DGKI: variants seen among roughly 807,000 people sequenced by gnomAD.
DGKI encodes the protein DAG kinase iota.
In DGKI, 55 loss-of-function variants were observed where a neutral mutation model predicts 147.5. That is an observed-to-expected ratio of 0.37 (90% CI 0.30 to 0.47). The LOEUF (loss-of-function observed/expected upper bound fraction) is 0.47, where lower values mean the gene tolerates loss of function less well. DGKI is among the 20% of genes least tolerant of loss of function. The pLI is 1.00. For missense variants in DGKI, 1,007 were observed against 1,323.8 expected (o/e 0.76, Z 3.71); for synonymous variants, 469 against 477.1 (o/e 0.98, Z 0.22).
chr7:137,651,108 C>T (rs1165696124), intron 5 of DGKI, among the ~76,000 whole-genome samples: 4 of 152,186 alleles, frequency 2.6e-5, no homozygotes, highest in African/African-American at 9.6e-5. Flanking sequence ...TTATATTAGG[C>T]TGGCTCAAAA....
intron 24 of DGKI, among the ~76,000 whole-genome samples, 180 bp downstream of exon 24, chr7:137,469,370 G>A (rs1814790980): frequency 6.6e-6 from 1 of 152,172 alleles, no homozygotes; most frequent in Non-Finnish European, 1.5e-5. Flanking sequence ...AATGACTTCA[G>A]GAAAGGACAG....
At chr7:137,834,838 A>G (rs1020837053) in intron 1 of DGKI, among the ~76,000 whole-genome samples, 1 of 152,248 alleles carries the variant, frequency 6.6e-6, no homozygotes, top group African/African-American at 2.4e-5. Context: ...GCTTCCACAC[A>G]CAGATCAATC....
At chr7:137,503,883 T>C (rs575365292) in intron 21 of DGKI, among the ~76,000 whole-genome samples, 1 of 152,290 alleles carries the variant, frequency 6.6e-6, no homozygotes, top group South Asian at 2.1e-4. Context: ...AATTCTATTA[T>C]CAACATGTAC....
rs112613569 is a variant in DGKI, at chr7:137,505,047, G to A, written c.2248+16819C>T. Among the ~76,000 whole-genome samples the A allele has an allele frequency of 6.0e-3, 817 of 135,606 alleles. 14 individuals carry two copies. Among genetic ancestry groups the A allele is most frequent in the African/African-American group, 0.021 (784 of 36,552 alleles). The allele number at this position is 135,606 out of a possible 152,430, so 89.0% of individuals were successfully genotyped here. ...AAGGACAGAAAACCAAACACCGCAT[G>A]TTCTCACTCATAGGTGGGAGCTGAA... On this transcript the variant is annotated intron_variant, in intron 21 of 32. Transcript: ENST00000614521.
At chr7:137,789,470 C>G (rs1018105131) in intron 1 of DGKI, among the ~76,000 whole-genome samples, 6 of 152,028 alleles carry the variant, frequency 3.9e-5, no homozygotes, top group African/African-American at 1.4e-4. Context: ...TAAGATTTAG[C>G]AAAAGAAATA....
intron 21 of DGKI, among the ~76,000 whole-genome samples, chr7:137,499,608 T>C (rs574006739): frequency 2.0e-5 from 3 of 152,260 alleles, no homozygotes; most frequent in East Asian, 1.9e-4. Context: ...TTTGACATCA[T>C]GGCTCCTGGT....
intron 1 of DGKI, among the ~76,000 whole-genome samples, chr7:137,792,303 T>C (rs868299588): frequency 1.2e-4 from 18 of 152,178 alleles, no homozygotes; most frequent in Admixed American, 8.5e-4. Context: ...CAATCCTCCA[T>C]TGGGGGATTA....
chr7:137,507,733 C>T (rs1662649163), intron 21 of DGKI, among the ~76,000 whole-genome samples: 1 of 152,076 alleles, frequency 6.6e-6, no homozygotes, highest in African/African-American at 2.4e-5. Context: ...TGGTACCTGC[C>T]CTCAAGGAGT....
At chr7:137,453,694 G>C (rs981311379) in intron 27 of DGKI, among the ~76,000 whole-genome samples, 4 of 152,166 alleles carry the variant, frequency 2.6e-5, no homozygotes, top group African/African-American at 9.7e-5. Flanking sequence ...CCAACAGAGG[G>C]AAGGGGTGCA....
intron 20 of DGKI, among the ~76,000 whole-genome samples, chr7:137,529,951 G>A (rs1259537908): frequency 6.6e-6 from 1 of 152,154 alleles, no homozygotes; most frequent in South Asian, 2.1e-4. Context: ...GTTTCACCAT[G>A]TTGATAAGGC....
intron 1 of DGKI, among the ~76,000 whole-genome samples, chr7:137,772,568 C>G (rs1310461344): frequency 6.6e-6 from 1 of 152,120 alleles, no homozygotes; most frequent in African/African-American, 2.4e-5. Context: ...GATCTGTTCC[C>G]CATCCTGCTC....
intron 20 of DGKI, among the ~76,000 whole-genome samples, chr7:137,544,312 C>T (rs1332574024): frequency 6.6e-6 from 1 of 152,102 alleles, no homozygotes; most frequent in Non-Finnish European, 1.5e-5. Flanking sequence ...TCACATGCAG[C>T]CACTCCTTAA....
intron 28 of DGKI, among the ~76,000 whole-genome samples, chr7:137,429,130 T>C (rs1175505025): frequency 6.6e-6 from 1 of 152,174 alleles, no homozygotes; most frequent in Non-Finnish European, 1.5e-5. Context: ...GCTGGAGGAA[T>C]CACACTACCT....
At chr7:137,537,018 C>T (rs1234342291) in intron 20 of DGKI, among the ~76,000 whole-genome samples, 1 of 152,164 alleles carries the variant, frequency 6.6e-6, no homozygotes, top group African/African-American at 2.4e-5. Flanking sequence ...ACCATTATTT[C>T]TTTTCTTTGG....
At chr7:137,599,732 G>T in intron 11 of DGKI, 91 bp downstream of exon 11, 1 of 1,147,790 alleles carries the variant, frequency 8.7e-7, no homozygotes, top group Non-Finnish European at 1.3e-6. Context: ...AGATGGTCAG[G>T]ATATACCTCA....
At chr7:137,739,885 C>T (rs2116701938) in intron 1 of DGKI, among the ~76,000 whole-genome samples, 1 of 152,276 alleles carries the variant, frequency 6.6e-6, no homozygotes, top group Admixed American at 6.5e-5. Context: ...AAGGTTGAAC[C>T]TGAGGTCTGT....
At chr7:137,726,456 A>T (rs1317658902) in intron 1 of DGKI, among the ~76,000 whole-genome samples, 1 of 152,230 alleles carries the variant, frequency 6.6e-6, no homozygotes. Context: ...TTCCGTAGTT[A>T]CCAAAAACAA....
intron 19 of DGKI, among the ~76,000 whole-genome samples, chr7:137,567,973 C>T (rs1818649104): frequency 6.6e-6 from 1 of 151,992 alleles, no homozygotes; most frequent in Non-Finnish European, 1.5e-5. Context: ...TAAGATTGTC[C>T]ATGAATTGAA....
At chr7:137,575,475 A>G (rs1276078531) in intron 17 of DGKI, among the ~76,000 whole-genome samples, 1 of 152,166 alleles carries the variant, frequency 6.6e-6, no homozygotes, top group Non-Finnish European at 1.5e-5. Flanking sequence ...TGCACAGTAC[A>G]CTGCCATTCT....
Sources: allele counts gnomAD v4.1 joint callset (sites outside exome capture counted in the v4.1 genomes callset), GRCh38; gene constraint gnomAD v4.1.1; transcripts MANE v1.5; gene names NCBI Gene and HGNC (gene_info 2026-07-23, HGNC 2026-07-21).